The following SCYL3 variants were observed in gnomAD, a reference collection of about 807,000 sequenced individuals.
SCYL3 encodes the protein SCY1 like pseudokinase 3.
SCYL3 carries 35 observed loss-of-function variants against 73.8 expected under a neutral mutation model. The ratio of observed to expected loss-of-function variants is 0.47; its 90% confidence interval spans 0.36 to 0.63. The LOEUF (loss-of-function observed/expected upper bound fraction) is 0.63, where lower values mean the gene tolerates loss of function less well. Among genes scored for constraint, SCYL3 ranks in the 20% least tolerant of loss-of-function variants. SCYL3 has a pLI of 0.00. For synonymous variants in SCYL3, 277 were observed against 295.2 expected, an observed-to-expected ratio of 0.94 and a Z score of 0.63; for missense variants, 712 against 798.9, an observed-to-expected ratio of 0.89 and a Z score of 1.31.
intron 9 of SCYL3, among the ~76,000 whole-genome samples, chr1:169,863,081 T>G (rs1237329195): frequency 1.3e-5 from 2 of 152,058 alleles, no homozygotes; most frequent in East Asian, 3.9e-4. Context: ...CCCGGCTAAT[T>G]TTTGTATTTT....
chr1:169,862,894 T>C, intron 9 of SCYL3, 97 bp from the exon 10 acceptor site: 1 of 1,094,672 alleles, frequency 9.1e-7, no homozygotes, highest in East Asian at 2.4e-5. Context: ...AAACTACACA[T>C]ATTCTAAGTA....
chr1:169,882,432 CA>C (rs1661348838), intron 2 of SCYL3, among the ~76,000 whole-genome samples: 1 of 152,176 alleles, frequency 6.6e-6, no homozygotes, highest in African/African-American at 2.4e-5. Context: ...CCTCCCTGAC[CA>C]GCGCCGCCCC....
intron 6 of SCYL3, 51 bp downstream of exon 6, chr1:169,870,204 G>A (rs1304468984): frequency 1.6e-6 from 2 of 1,286,166 alleles, no homozygotes; most frequent in Middle Eastern, 1.9e-4. Flanking sequence ...AATACGTCAT[G>A]GATGATTTTC....
At chr1:169,891,061 C>G (rs781044305) in intron 1 of SCYL3, among the ~76,000 whole-genome samples, 2 of 152,196 alleles carry the variant, frequency 1.3e-5, no homozygotes, top group Non-Finnish European at 2.9e-5. Flanking sequence ...AATTAGCCAT[C>G]AATTTCATGG....
chr1:169,878,735 G>T lies in SCYL3; in HGVS notation c.250C>A (p.Arg84=), dbSNP rs745746402. The T allele has an allele frequency of 1.2e-6, 2 of 1,614,030 alleles. No individual in the cohort carries two copies. Among genetic ancestry groups the T allele is most frequent in the East Asian group, 4.5e-5 (2 of 44,880 alleles). ...EADGIHLVTE[R]VQPLEVALET... is the part of the protein sequence containing the mutation. ...AAAGCCACTTCCAGGGGCTGTACTC[G>T]CTCAGTGACAAGATGAATGCCATCC... is the stretch of plus-strand genomic sequence containing the variant. The change falls in exon 3 of 13, where the codon CGA becomes AGA. Residue 84 remains arginine (R), a synonymous_variant. Coordinates refer to ENST00000367771, the MANE Select transcript of SCYL3 (RefSeq NM_020423.7).
At position 169,852,024 on chromosome 1, in the gene SCYL3, C is replaced by T. The variant is rs1308529099; in HGVS notation, c.*1689G>A. 13 of 1,562,216 alleles carry T rather than the reference C, an allele frequency of 8.3e-6. No homozygotes were observed. Among genetic ancestry groups the T allele is most frequent in the Non-Finnish European group, 1.1e-5 (13 of 1,138,176 alleles). ...TGACGAAACAAACCAGTGTGGTTTC[C>T]AGCCTTATGCTGAATTTCAAATCAA... On this transcript the variant is annotated 3_prime_UTR_variant, in exon 13 of 13. Transcript: ENST00000367771.
rs1313677480 is a variant in SCYL3 at position 169,859,149 on chromosome 1, C to T, written c.1204G>A (p.Val402Met). 2 of 1,614,062 alleles carry T rather than the reference C, an allele frequency of 1.2e-6. No homozygotes were observed. Among genetic ancestry groups the T allele is most frequent in the African/African-American group, 1.3e-5 (1 of 75,026 alleles). The change falls in exon 11 of 13, where the codon GTG becomes ATG. Residue 402 changes from valine to methionine, a missense_variant. Around this residue, in one of 2 missense-constraint regions of SCYL3, gnomAD observed 370 missense variants for 350.8 expected, o/e 1.05. Coordinates refer to ENST00000367771, the MANE Select transcript of SCYL3 (RefSeq NM_020423.7). ...IVAITLHSLA[V>M]LVSLLGPEVV... is the part of the protein sequence containing the mutation. ...TCTGGTCCAAGCAGAGAGACCAGCA[C>T]TGCTAGGCTATGCAGAGTAATTGCC...
chr1:169,890,855 T>C (rs916523910), intron 1 of SCYL3, among the ~76,000 whole-genome samples: 1 of 152,198 alleles, frequency 6.6e-6, no homozygotes, highest in African/African-American at 2.4e-5. Flanking sequence ...GGACTACAAA[T>C]AAAAAGTTTA....
In SCYL3 at chr1:169,849,638, C is replaced by G. The variant is rs776112814; in HGVS notation, c.*4075G>C. ...AAAACTGATTTATCACAGTGACTTT[C>G]AAACCATTTTAATATTTCAAATATT... is the stretch of plus-strand genomic sequence containing the variant. On this transcript the variant is annotated 3_prime_UTR_variant, in exon 13 of 13. Transcript: ENST00000367771. 1 of 1,470,772 alleles carries G rather than the reference C, an allele frequency of 6.8e-7. No individual in the cohort carries two copies. The highest frequency in any genetic ancestry group is 9.5e-7 in the Non-Finnish European group (1 of 1,052,642). 91.1% of individuals were successfully genotyped at this position (1,470,772 alleles called of 1,614,324 possible). A position where few individuals can be genotyped will look rare whatever the true frequency, so the allele number is the denominator to read the frequency against.
At chr1:169,872,544 G>A (rs1168988558) in intron 5 of SCYL3, among the ~76,000 whole-genome samples, 1 of 152,218 alleles carries the variant, frequency 6.6e-6, no homozygotes, top group Non-Finnish European at 1.5e-5. Context: ...GCTGTGAGAA[G>A]GAGGCCAGCA....
Position 169,862,743 on chromosome 1 carries a change from C to T in SCYL3, c.1010G>A (p.Arg337Gln), listed in dbSNP as rs143546688. 4,165 of 1,614,160 alleles carry T rather than the reference C, an allele frequency of 2.6e-3. 11 individuals are homozygous for T. The highest frequency in any genetic ancestry group is 3.2e-3 in the Non-Finnish European group (3,820 of 1,180,012). The change falls in exon 10 of 13, where the codon CGG becomes CAG. Residue 337 changes from arginine to glutamine, a missense_variant. By Grantham distance (43) the Arg-to-Gln change is conservative. This residue lies in a region of SCYL3 where 342 missense variants were observed against 448.1 expected (regional missense o/e 0.76). Transcript: ENST00000367771. ...CLLSPALFQSRVIPVLLQLFE... is the reference protein window; with the variant it reads ...CLLSPALFQSQVIPVLLQLFE... ...CAACTGGAGAAGCACGGGGATCACC[C>T]GTGACTGGAACAGGGCTGGTGAGAG...
In SCYL3 at chr1:169,888,523, C is replaced by A. The variant is rs189495363; in HGVS notation, c.165+153G>T. Among the ~76,000 whole-genome samples, 4 of 152,250 alleles carry A rather than the reference C, an allele frequency of 2.6e-5. No homozygotes were observed. The East Asian group carries it at 7.7e-4, about 29-fold the overall frequency. On this transcript the variant is annotated intron_variant, in intron 2 of 12. Transcript: ENST00000367771. ...CCATGTCATGCAAATGGAAGATAGG[C>A]CCATGAAGTAAGAGCAATGTTTTGA...
chr1:169,890,537 A>G (rs898481303), intron 1 of SCYL3, among the ~76,000 whole-genome samples: 1 of 152,202 alleles, frequency 6.6e-6, no homozygotes, highest in Admixed American at 6.5e-5. Flanking sequence ...AATTCCATAC[A>G]ACACCTTCTA....
Position 169,851,826 on chromosome 1 carries a change from G to A in SCYL3, c.*1887C>T. The A allele has an allele frequency of 6.2e-7, 1 of 1,613,872 alleles. No individual in the cohort carries two copies. Among genetic ancestry groups the A allele is most frequent in the African/African-American group, 1.3e-5 (1 of 74,992 alleles). On this transcript the variant is annotated 3_prime_UTR_variant, in exon 13 of 13. Transcript: ENST00000367771. ...TCATGGTCCCTGGCAGACTGGGTTT[G>A]TAGATGAAACTGAAGCTGCCAAAGT...
chr1:169,867,823 C>T (rs2102164284), intron 7 of SCYL3, among the ~76,000 whole-genome samples: 1 of 152,214 alleles, frequency 6.6e-6, no homozygotes, highest in Non-Finnish European at 1.5e-5. Context: ...TTTCAGTTTT[C>T]CTCTCCCCTC....
chr1:169,859,947 G>A (rs912638759), intron 10 of SCYL3: 2 of 152,314 alleles, frequency 1.3e-5, no homozygotes, highest in Non-Finnish European at 2.9e-5. Context: ...ACCAGCCCAG[G>A]TTGGAAATGG....
intron 12 of SCYL3, 93 bp from the exon 13 acceptor site, chr1:169,853,865 TC>T: frequency 1.4e-6 from 2 of 1,405,098 alleles, no homozygotes; most frequent in African/African-American, 2.9e-5. Context: ...TTAAAATTTA[TC>T]TTTTGATGCC....
chr1:169,873,359 CCT>C (rs1364786923), intron 5 of SCYL3, among the ~76,000 whole-genome samples: 4 of 152,204 alleles, frequency 2.6e-5, no homozygotes, highest in African/African-American at 9.7e-5. Flanking sequence ...GTCCAATAAA[CCT>C]CTTTCTTTTG....
upstream of SCYL3, chr1:169,894,209 T>A (rs570999073): frequency 1.3e-5 from 2 of 152,350 alleles, no homozygotes; most frequent in East Asian, 1.9e-4. Flanking sequence ...CAGTTTTAAT[T>A]TCATTTCCGC....
Sources: allele counts gnomAD v4.1 joint callset (sites outside exome capture counted in the v4.1 genomes callset), GRCh38; gene constraint gnomAD v4.1.1; regional missense constraint gnomAD v4.1.1; transcripts MANE v1.5; gene names NCBI Gene and HGNC (gene_info 2026-07-23, HGNC 2026-07-21).